MRPS9: variants seen among roughly 807,000 people sequenced by gnomAD.
MRPS9 encodes small ribosomal subunit protein uS9m.
A neutral mutation model predicts 59.9 loss-of-function variants in MRPS9; 45 were observed. That is an observed-to-expected ratio of 0.75 (90% CI 0.59 to 0.96). The LOEUF (loss-of-function observed/expected upper bound fraction) is 0.96. MRPS9 is among the 40% of genes least tolerant of loss of function. The pLI is 0.00. For missense variants in MRPS9, 473 were observed against 481.1 expected (o/e 0.98, Z 0.16); for synonymous variants, 171 against 166.8 (o/e 1.03, Z -0.19).
chr2:105,069,532 G>A (rs7606533), intron 2 of MRPS9, among the ~76,000 whole-genome samples: 32,929 of 152,072 alleles, frequency 0.22, 3,632 homozygotes, highest in Middle Eastern at 0.35. Context: ...TTTTTAAAAA[G>A]TTACTTATAA....
chr2:105,077,451 TAGTAG>T (rs1252608668), intron 4 of MRPS9, among the ~76,000 whole-genome samples: 6 of 151,948 alleles, frequency 3.9e-5, no homozygotes, highest in Non-Finnish European at 8.8e-5. Flanking sequence ...CTAGTTGTGC[TAGTAG>T]AGGTGTAACT....
intron 1 of MRPS9, among the ~76,000 whole-genome samples, chr2:105,040,554 G>A (rs149503779): frequency 2.6e-5 from 4 of 152,284 alleles, no homozygotes; most frequent in Admixed American, 6.5e-5. Flanking sequence ...AAAAAGAAGC[G>A]AGTTTTGTTA....
At position 105,038,135 on chromosome 2, in the gene MRPS9, C is replaced by A; in HGVS notation, c.43C>A (p.Arg15=). The A allele has an allele frequency of 1.2e-6, 2 of 1,613,904 alleles. No individual in the cohort carries two copies. The highest frequency in any genetic ancestry group is 1.7e-6 in the Non-Finnish European group (2 of 1,179,964). ...CVSYGGAVSY[R]LLLWGRGSLA... ...GTCCTACGGCGGAGCAGTTTCGTAC[C>A]GGCTTCTTCTCTGGGGTAGGGGTAG... The change falls in exon 1 of 11, where the codon CGG becomes AGG. Residue 15 remains arginine (R), a synonymous_variant. Coordinates refer to ENST00000258455, the MANE Select transcript of MRPS9 (RefSeq NM_182640.3).
intron 7 of MRPS9, 147 bp downstream of exon 7, chr2:105,090,142 AAAAC>A (rs547361659): frequency 2.1e-6 from 1 of 484,596 alleles, no homozygotes; most frequent in Non-Finnish European, 3.7e-6. Flanking sequence ...AAAACAAAAC[AAAAC>A]AAAAAAACAA....
At chr2:105,071,255 A>G in intron 2 of MRPS9, 58 bp from the exon 3 acceptor site, 2 of 1,399,006 alleles carry the variant, frequency 1.4e-6, no homozygotes, top group South Asian at 2.5e-5. Flanking sequence ...CTCTATAACT[A>G]TTAGTTCTAA....
intron 1 of MRPS9, among the ~76,000 whole-genome samples, chr2:105,045,469 A>G (rs1278792466): frequency 2.0e-5 from 3 of 152,098 alleles, no homozygotes; most frequent in Non-Finnish European, 2.9e-5. Context: ...ATTCTCATCT[A>G]CTAAAATCTC....
At chr2:105,068,980 A>G (rs1164708082) in intron 2 of MRPS9, among the ~76,000 whole-genome samples, 2 of 152,160 alleles carry the variant, frequency 1.3e-5, no homozygotes, top group African/African-American at 2.4e-5. Context: ...AGGGAAATAT[A>G]TATGTAATGT....
At chr2:105,040,531 T>C (rs1679483042) in intron 1 of MRPS9, among the ~76,000 whole-genome samples, 1 of 152,208 alleles carries the variant, frequency 6.6e-6, no homozygotes, top group Non-Finnish European at 1.5e-5. Flanking sequence ...TGAGAAACAC[T>C]GTTACAATAA....
In MRPS9 at chr2:105,038,148, G is replaced by A. The variant is rs200027821; in HGVS notation, c.56G>A (p.Trp19Ter). The A allele has an allele frequency of 2.8e-5, 45 of 1,613,644 alleles. No homozygotes were observed. The highest frequency in any genetic ancestry group is 1.7e-5 in the Admixed American group (1 of 59,958). ...GGAVSYRLLL[W>*]GRGSLARKQG... The stretch of plus-strand genomic sequence containing the variant: ...GCAGTTTCGTACCGGCTTCTTCTCT[G>A]GGGTAGGGGTAGCCTCGCCCGGAAG... The change falls in exon 1 of 11, where the codon TGG (tryptophan) becomes TAG (stop). Residue 19 changes from tryptophan (W) to a stop codon, truncating the protein, a stop_gained. Coordinates refer to ENST00000258455, the MANE Select transcript of MRPS9 (RefSeq NM_182640.3). LOFTEE classifies it high-confidence loss of function.
chr2:105,095,213 G>C (rs1336165943), intron 9 of MRPS9, among the ~76,000 whole-genome samples: 1 of 152,168 alleles, frequency 6.6e-6, no homozygotes, highest in Non-Finnish European at 1.5e-5. Flanking sequence ...TCGGAATTCT[G>C]TCATCACCTA....
chr2:105,084,201 C>T (rs1368900706), intron 5 of MRPS9, among the ~76,000 whole-genome samples: 2 of 148,650 alleles, frequency 1.3e-5, no homozygotes, highest in Non-Finnish European at 3.0e-5. Context: ...CAAAGTATTT[C>T]TTTAAATTGA....
At chr2:105,067,161 A>G (rs1046330227) in intron 2 of MRPS9, among the ~76,000 whole-genome samples, 11 of 152,162 alleles carry the variant, frequency 7.2e-5, no homozygotes, top group African/African-American at 2.7e-4. Context: ...ATCTCCCACA[A>G]TATCATTATC....
intron 1 of MRPS9, among the ~76,000 whole-genome samples, chr2:105,040,583 A>C (rs528283427): frequency 4.6e-5 from 7 of 152,348 alleles, no homozygotes; most frequent in African/African-American, 1.4e-4. Context: ...CTAGGTTCTC[A>C]GTTGAGACCT....
intron 7 of MRPS9, chr2:105,091,275 CT>C (rs1235153723): frequency 1.9e-5 from 9 of 470,740 alleles, no homozygotes; most frequent in Non-Finnish European, 2.6e-5. Context: ...ACTTCTTGAC[CT>C]AGTTCAGAAG....
intron 4 of MRPS9, among the ~76,000 whole-genome samples, chr2:105,073,263 A>G (rs947802098): frequency 1.3e-5 from 2 of 152,110 alleles, no homozygotes; most frequent in Non-Finnish European, 1.5e-5. Context: ...CCAGCTTCTC[A>G]GTATTAGAAG....
intron 8 of MRPS9, 91 bp downstream of exon 8, chr2:105,092,660 G>T: frequency 7.9e-6 from 9 of 1,145,170 alleles, no homozygotes; most frequent in Middle Eastern, 2.5e-4. Context: ...GTATCCATTA[G>T]ATTTTTTATT....
chr2:105,076,620 G>A (rs1287652978), intron 4 of MRPS9, among the ~76,000 whole-genome samples: 1 of 152,112 alleles, frequency 6.6e-6, no homozygotes, highest in Non-Finnish European at 1.5e-5. Flanking sequence ...GTGTGTTTTT[G>A]GAGTTAAGAA....
intron 5 of MRPS9, among the ~76,000 whole-genome samples, chr2:105,083,726 G>A (rs139374911): frequency 8.3e-4 from 127 of 152,206 alleles, no homozygotes; most frequent in African/African-American, 2.8e-3. Flanking sequence ...TGTTAGTTTA[G>A]GAATGTTACA....
At chr2:105,051,789 T>TAAA (rs57896551) in intron 2 of MRPS9, among the ~76,000 whole-genome samples, 31,417 of 152,078 alleles carry the variant, frequency 0.21, 3,313 homozygotes, top group Middle Eastern at 0.35. Context: ...ATTAATGTCT[T>TAAA]AACTTCTATT....
Sources: gnomAD v4.1 joint callset for allele counts (sites outside exome capture counted in the v4.1 genomes callset) on GRCh38, gnomAD v4.1.1 for gene constraint, MANE v1.5 for transcripts, NCBI Gene and HGNC (gene_info 2026-07-23, HGNC 2026-07-21) for gene names.